The following POP1 variants were observed in gnomAD, a reference collection of about 807,000 sequenced individuals.
POP1 encodes the protein POP1 ribonuclease P/MRP subunit.
Under a neutral mutation model 102.2 loss-of-function variants are expected in POP1, and 75 were observed. The observed-to-expected ratio is 0.73, with a 90% CI of 0.61 to 0.89. The LOEUF (loss-of-function observed/expected upper bound fraction) is 0.89. POP1 is among the 40% of genes least tolerant of loss of function. POP1 has a pLI of 0.00. For synonymous variants in POP1, 436 were observed against 464.1 expected (o/e 0.94, Z 0.78); for missense variants, 1,116 against 1,267.4 (o/e 0.88, Z 1.81).
At position 98,136,425 on chromosome 8, in the gene POP1, T is replaced by C. The variant is rs145590009; in HGVS notation, c.1012-57T>C. 3.6e-4 allele frequency: 546 copies of C among 1,522,266 alleles called. 3 individuals are homozygous for C. In the East Asian group the frequency reaches 6.5e-3, roughly 18 times the overall value. 94.3% of individuals were successfully genotyped at this position (1,522,266 alleles called of 1,614,324 possible). ...TTAAAAAAAAAAACCCAACTAAATT[T>C]GTCGTAATATATTTAAATTTCAAGA... On this transcript the variant is annotated intron_variant, in intron 7 of 15. Transcript: ENST00000401707.
Position 98,140,866 on chromosome 8 carries a change from G to T in POP1, c.1572G>T (p.Leu524Phe), listed in dbSNP as rs148240266. ...INLPQKKSKA[L>F]PNPEKCQDNE... ...TGCCCCAAAAGAAGTCCAAAGCTTT[G>T]CCCAATCCAGAAAAATGCCAAGGTA... The change falls in exon 11 of 16, where the codon TTG becomes TTT. Residue 524 changes from leucine (L) to phenylalanine (F), a missense_variant. Physicochemically the swap from Leu to Phe is conservative, Grantham distance 22. Coordinates refer to ENST00000401707, the MANE Select transcript of POP1 (RefSeq NM_001145860.2). The T allele has an allele frequency of 6.2e-7, 1 of 1,614,010 alleles. No individual in the cohort carries two copies. Among genetic ancestry groups the T allele is most frequent in the East Asian group, 2.2e-5 (1 of 44,870 alleles).
intron 14 of POP1, among the ~76,000 whole-genome samples, chr8:98,154,037 C>T (rs1809585588): frequency 6.6e-6 from 1 of 152,114 alleles, no homozygotes; most frequent in Non-Finnish European, 1.5e-5. Context: ...AAAAAAGAGG[C>T]ACAGCTATCA....
In POP1 at chr8:98,158,243, G is replaced by A. The variant is rs1011389799; in HGVS notation, c.3047G>A (p.Arg1016Gln). The A allele has an allele frequency of 3.1e-6, 5 of 1,610,838 alleles. No individual in the cohort carries two copies. The highest frequency in any genetic ancestry group is 2.2e-5 in the East Asian group (1 of 44,894). Residue 1016 changes from arginine to glutamine, a missense_variant, in exon 16 of 16, where the codon CGA (arginine) becomes CAA (glutamine). Physicochemically the swap from Arg to Gln is conservative, Grantham distance 43 (BLOSUM62 1). Transcript: ENST00000401707. ...AGGCCTCCCGCCTCTCTGCAGTATC[G>A]ATTTGCGAGGATTGCTATTGAGGTG... Reference protein sequence around the residue: ...LLRPPASLQYRFARIAIEV With the variant: ...LLRPPASLQYQFARIAIEV
chr8:98,149,351 C>CT lies in POP1; in HGVS notation c.1902+355dup, dbSNP rs768051407. On this transcript the variant is annotated intron_variant, in intron 13 of 15. Coordinates refer to ENST00000401707, the MANE Select transcript of POP1 (RefSeq NM_001145860.2). ...TTAACTTTTACAGATGGATAGAATA[C>CT]TTTTTTTTTTGTTTTTGAAATGTTA... is the stretch of plus-strand genomic sequence containing the variant. 3.2e-3 allele frequency among the ~76,000 whole-genome samples: 474 copies of CT among 149,674 alleles called. 3 individuals are homozygous for CT. Among genetic ancestry groups the CT allele is most frequent in the Non-Finnish European group, 5.0e-3 (338 of 67,220 alleles).
At chr8:98,138,189 A>G (rs1332520895) in intron 9 of POP1, among the ~76,000 whole-genome samples, 1 of 152,124 alleles carries the variant, frequency 6.6e-6, no homozygotes, top group Non-Finnish European at 1.5e-5. Flanking sequence ...TTGATAATTT[A>G]TTCCCTCTTG....
In POP1 at chr8:98,140,063, G is replaced by A; in HGVS notation, c.1363-15G>A. 2.5e-6 allele frequency: 4 copies of A among 1,596,532 alleles called. No homozygotes were observed. The South Asian group carries it at 4.4e-5, about 18-fold the overall frequency. ...TTCATTGTTCGTCCAGTGAATAGTA[G>A]TTGTTATTTTTCAGGTGGGAGAGGA... On this transcript the variant is annotated splice_polypyrimidine_tract_variant and intron_variant, in intron 9 of 15. Coordinates refer to ENST00000401707, the MANE Select transcript of POP1 (RefSeq NM_001145860.2).
intron 9 of POP1, among the ~76,000 whole-genome samples, chr8:98,137,382 A>C (rs936992225): frequency 1.3e-5 from 2 of 151,160 alleles, no homozygotes; most frequent in African/African-American, 4.9e-5. Flanking sequence ...GGTTCACTGC[A>C]CCCTCTGCCT....
At chr8:98,141,888 A>G (rs1281996985) in intron 11 of POP1, among the ~76,000 whole-genome samples, 1 of 151,432 alleles carries the variant, frequency 6.6e-6, no homozygotes, top group Non-Finnish European at 1.5e-5. Flanking sequence ...TTTTTAATGT[A>G]GTTAGATAGC....
rs1055588926 is a variant in POP1, at chr8:98,149,351, C to T, written c.1902+345C>T. 2.7e-5 allele frequency among the ~76,000 whole-genome samples: 4 copies of T among 149,696 alleles called. No individual in the cohort carries two copies. In the East Asian group the frequency reaches 5.8e-4, roughly 22 times the overall value. On this transcript the variant is annotated intron_variant, in intron 13 of 15. Coordinates refer to ENST00000401707, the MANE Select transcript of POP1 (RefSeq NM_001145860.2). ...TTAACTTTTACAGATGGATAGAATA[C>T]TTTTTTTTTTGTTTTTGAAATGTTA... is the stretch of plus-strand genomic sequence containing the variant.
rs545674464 is a variant in POP1, at chr8:98,118,384, A to AT, written c.-3+1001dup. Reference sequence around the variant, plus strand: ...TCTTTGACTTTTCCTACCAATTCACATTTTTTTCTTTTTCTTCTTTCCTTC... The same window carrying AT: ...TCTTTGACTTTTCCTACCAATTCACATTTTTTTTCTTTTTCTTCTTTCCTTC... On this transcript the variant is annotated intron_variant, in intron 1 of 15. Coordinates refer to ENST00000401707, the MANE Select transcript of POP1 (RefSeq NM_001145860.2). Among the ~76,000 whole-genome samples the AT allele has an allele frequency of 7.2e-3, 1,089 of 151,778 alleles. 15 individuals carry two copies. The highest frequency in any genetic ancestry group is 0.024 in the African/African-American group (1,010 of 41,374).
Position 98,156,376 on chromosome 8 carries a change from A to G in POP1, c.2384A>G (p.His795Arg), listed in dbSNP as rs1008735109. The change falls in exon 15 of 16, where the codon CAT (histidine) becomes CGT (arginine). Residue 795 changes from histidine (H) to arginine (R), a missense_variant. His to Arg is a conservative substitution (Grantham distance 29). Coordinates refer to ENST00000401707, the MANE Select transcript of POP1 (RefSeq NM_001145860.2). ...RITDQEASEN[H>R]VAATGSHLCV... ...ACAGACCAGGAGGCCAGTGAAAACC[A>G]TGTTGCTGCCACAGGGAGTCACCTC... 6.2e-7 allele frequency: 1 copy of G among 1,613,898 alleles called. No individual in the cohort carries two copies. The highest frequency in any genetic ancestry group is 1.3e-5 in the African/African-American group (1 of 75,008).
chr8:98,146,695 T>C lies in POP1; in HGVS notation c.1710+12T>C, dbSNP rs1816853777. 1 of 1,553,298 alleles carries C rather than the reference T, an allele frequency of 6.4e-7. No individual in the cohort carries two copies. The highest frequency in any genetic ancestry group is 1.7e-5 in the Admixed American group (1 of 59,948). On this transcript the variant is annotated intron_variant, in intron 12 of 15. Transcript: ENST00000401707. ...AAATCTCGGATCAGGTAACTAATAGTGTAAGGGTTATTGGTAAAGTCATGA... is the reference window on the plus strand; with the variant it reads ...AAATCTCGGATCAGGTAACTAATAGCGTAAGGGTTATTGGTAAAGTCATGA...
At chr8:98,119,457 C>T (rs929581422) in intron 1 of POP1, among the ~76,000 whole-genome samples, 25 of 152,108 alleles carry the variant, frequency 1.6e-4, no homozygotes, top group African/African-American at 5.6e-4. Context: ...GAAAACATAA[C>T]GTATCCATTT....
intron 11 of POP1, 46 bp from the exon 12 acceptor site, chr8:98,146,522 T>C: frequency 1.5e-6 from 2 of 1,375,736 alleles, no homozygotes; most frequent in Non-Finnish European, 2.1e-6. Context: ...TTTGACTTCA[T>C]TGATCTGAAG....
chr8:98,150,637 A>G lies in POP1; in HGVS notation c.2055A>G (p.Lys685=). ...CTAAGAATCTTCTTGAAAAGTACAA[A>G]AGGTAAGAAACTGGCTTCTCTAATT... ...EQAKNLLEKY[K]RRPPAKRPNY... Residue 685 remains lysine (K), a splice_region_variant and synonymous_variant, in exon 14 of 16, where the codon AAA becomes AAG. Coordinates refer to ENST00000401707, the MANE Select transcript of POP1 (RefSeq NM_001145860.2). 1 of 1,614,060 alleles carries G rather than the reference A, an allele frequency of 6.2e-7. No individual in the cohort carries two copies.
Position 98,156,139 on chromosome 8 carries a change from A to G in POP1, c.2147A>G (p.Glu716Gly). 2 of 1,614,026 alleles carry G rather than the reference A, an allele frequency of 1.2e-6. No homozygotes were observed. Among genetic ancestry groups the G allele is most frequent in the Non-Finnish European group, 1.7e-6 (2 of 1,180,008 alleles). Reference protein sequence around the residue: ...CPWEQLTQDWESRVQAYEEPS... With the variant: ...CPWEQLTQDWGSRVQAYEEPS... ...TGGGAGCAGTTAACTCAAGACTGGG[A>G]GTCAAGAGTCCAGGCTTACGAAGAA... The change falls in exon 15 of 16, where the codon GAG becomes GGG. Residue 716 changes from glutamate (E) to glycine (G), a missense_variant. Glu to Gly is a moderately conservative substitution (Grantham distance 98). Coordinates refer to ENST00000401707, the MANE Select transcript of POP1 (RefSeq NM_001145860.2).
chr8:98,122,624 T>C (rs1816063579), intron 1 of POP1, among the ~76,000 whole-genome samples: 1 of 152,230 alleles, frequency 6.6e-6, no homozygotes, highest in Non-Finnish European at 1.5e-5. Flanking sequence ...CTATTCATAA[T>C]ATCATCTAGT....
rs943397432 is a variant in POP1, at chr8:98,156,472, A to G, written c.2420+60A>G. On this transcript the variant is annotated intron_variant, in intron 15 of 15. Coordinates refer to ENST00000401707, the MANE Select transcript of POP1 (RefSeq NM_001145860.2). Reference sequence around the variant, plus strand: ...TATTTATTTTAATATTGAAGAGGCTACAGGATGTAAGCGTTATCACTGTTT... The same window carrying G: ...TATTTATTTTAATATTGAAGAGGCTGCAGGATGTAAGCGTTATCACTGTTT... 39 of 1,603,164 alleles carry G rather than the reference A, an allele frequency of 2.4e-5. No individual in the cohort carries two copies. In the Admixed American group the frequency reaches 6.0e-4, roughly 25 times the overall value.
Position 98,146,620 on chromosome 8 carries a change from G to A in POP1, c.1647G>A (p.Thr549=), listed in dbSNP as rs780743542. 2.0e-5 allele frequency: 32 copies of A among 1,614,004 alleles called. No individual in the cohort carries two copies. Among genetic ancestry groups the A allele is most frequent in the Non-Finnish European group, 2.3e-5 (27 of 1,179,908 alleles). ...TGGAGGGTGTGCCTGTGGAATGTAC[G>A]CATAGCTTTATCTGGAACCAAGATA... ...LLLEGVPVEC[T]HSFIWNQDIC... Residue 549 remains threonine, a synonymous_variant, in exon 12 of 16, where the codon ACG becomes ACA. Coordinates refer to ENST00000401707, the MANE Select transcript of POP1 (RefSeq NM_001145860.2).
Sources: gnomAD v4.1 joint callset for allele counts (sites outside exome capture counted in the v4.1 genomes callset) on GRCh38, gnomAD v4.1.1 for gene constraint, MANE v1.5 for transcripts, NCBI Gene and HGNC (gene_info 2026-07-23, HGNC 2026-07-21) for gene names.